The following GPHN variants were observed in gnomAD, a reference collection of about 807,000 sequenced individuals.
The protein encoded by GPHN is gephyrin.
In GPHN, 17 loss-of-function variants were observed where a neutral mutation model predicts 95.5. That is an observed-to-expected ratio of 0.18 (90% confidence interval 0.12 to 0.27). GPHN has a LOEUF of 0.27. Among genes scored for constraint, GPHN ranks in the 10% least tolerant of loss-of-function variants. The pLI is 1.00. For missense variants in GPHN, 660 were observed against 978.1 expected, an observed-to-expected ratio of 0.67 and a Z score of 4.34; for synonymous variants, 320 against 322.5, an observed-to-expected ratio of 0.99 and a Z score of 0.08.
intron 6 of GPHN, among the ~76,000 whole-genome samples, chr14:66,917,727 T>G (rs1488756097): frequency 6.6e-6 from 1 of 152,216 alleles, no homozygotes; most frequent in Non-Finnish European, 1.5e-5. Context: ...AACTTCTTTC[T>G]TTATATTTTG....
chr14:66,528,797 T>C (rs1004776198), intron 1 of GPHN, among the ~76,000 whole-genome samples: 4 of 152,226 alleles, frequency 2.6e-5, no homozygotes, highest in Non-Finnish European at 5.9e-5. Flanking sequence ...TGGCCCCCAC[T>C]GTCTTCTGGC....
intron 17 of GPHN, among the ~76,000 whole-genome samples, chr14:67,126,799 A>G (rs1270603380): frequency 2.0e-5 from 3 of 151,774 alleles, no homozygotes. Flanking sequence ...ATGCACACGT[A>G]TGTTTATTGC....
At chr14:67,309,456 C>G in the GPHN span, among the ~76,000 whole-genome samples, 8 of 152,102 alleles carry the variant, frequency 5.3e-5, no homozygotes, top group South Asian at 6.2e-4. Flanking sequence ...AGCTTTTTCT[C>G]TTAATTTTAG....
chr14:67,617,487 T>C, the GPHN span: 1 of 152,230 alleles, frequency 6.6e-6, no homozygotes, highest in Non-Finnish European at 1.5e-5. Context: ...ATCATGTAGG[T>C]GCTGAAATTT....
chr14:67,318,889 C>G, the GPHN span, among the ~76,000 whole-genome samples: 2 of 151,938 alleles, frequency 1.3e-5, no homozygotes, highest in Non-Finnish European at 2.9e-5. Flanking sequence ...AACTCCATCT[C>G]TACTAAAAAA....
At chr14:66,847,670 A>G (rs2062391518) in intron 4 of GPHN, among the ~76,000 whole-genome samples, 1 of 152,150 alleles carries the variant, frequency 6.6e-6, no homozygotes, top group African/African-American at 2.4e-5. Flanking sequence ...GAATGACAGC[A>G]GAATGTATTC....
At chr14:67,121,917 A>G (rs1333611493) in intron 16 of GPHN, among the ~76,000 whole-genome samples, 1 of 152,204 alleles carries the variant, frequency 6.6e-6, no homozygotes, top group Non-Finnish European at 1.5e-5. Flanking sequence ...ACAAATTGGA[A>G]AATAATATTG....
the GPHN span, among the ~76,000 whole-genome samples, chr14:67,522,720 G>A: frequency 6.6e-5 from 10 of 152,094 alleles, no homozygotes; most frequent in Admixed American, 6.5e-5. Flanking sequence ...GAGTCAAAAG[G>A]TTTCTCCCAT....
chr14:67,696,358 C>G, the GPHN span, among the ~76,000 whole-genome samples: 8 of 152,262 alleles, frequency 5.3e-5, no homozygotes, highest in African/African-American at 1.9e-4. Flanking sequence ...GCGGATTAGA[C>G]AGGAGAGGAG....
the GPHN span, among the ~76,000 whole-genome samples, chr14:67,209,615 C>T: frequency 1.3e-5 from 2 of 150,944 alleles, no homozygotes; most frequent in Admixed American, 6.6e-5. Flanking sequence ...GTCAGGAGTT[C>T]GAGACTAGCC....
At chr14:67,059,479 T>G (rs1418321074) in intron 11 of GPHN, among the ~76,000 whole-genome samples, 1 of 152,160 alleles carries the variant, frequency 6.6e-6, no homozygotes, top group African/African-American at 2.4e-5. Flanking sequence ...TAATTTGTTA[T>G]GCAGAAACAA....
the GPHN span, among the ~76,000 whole-genome samples, chr14:67,419,804 G>C: frequency 6.6e-6 from 1 of 151,406 alleles, no homozygotes; most frequent in Non-Finnish European, 1.5e-5. Context: ...AGCCGAGATC[G>C]CGCCACGGCA....
In GPHN at chr14:66,681,151, A is replaced by C. The variant is rs1311202905; in HGVS notation, c.109A>C (p.Ile37Leu). The C allele has an allele frequency of 6.3e-7, 1 of 1,599,812 alleles. No individual in the cohort carries two copies. Among genetic ancestry groups the C allele is most frequent in the Admixed American group, 1.7e-5 (1 of 60,002 alleles). ...FRNLAEDRSG[I>L]NLKDLVQDPS... is the part of the protein sequence containing the mutation. The stretch of plus-strand genomic sequence containing the variant: ...GAATCTTGCAGAAGACCGCAGTGGG[A>C]TAAATCTCAAAGATCTCGTACAAGA... The change falls in exon 2 of 23, where the codon ATA becomes CTA. Residue 37 changes from isoleucine (I) to leucine (L), a missense_variant. By Grantham distance (5) the Ile-to-Leu change is conservative. This residue lies in a region of GPHN where 92 missense variants were observed against 91.9 expected (regional missense o/e 1.00). Coordinates refer to ENST00000478722, the MANE Select transcript of GPHN (RefSeq NM_020806.5).
chr14:67,560,727 C>CTTT, the GPHN span, among the ~76,000 whole-genome samples: 32 of 126,404 alleles, frequency 2.5e-4, no homozygotes, highest in South Asian at 5.2e-4. Flanking sequence ...GAACATATAT[C>CTTT]TTTTTTTTTT....
chr14:67,025,732 G>A (rs1300724961), intron 10 of GPHN, among the ~76,000 whole-genome samples: 1 of 152,010 alleles, frequency 6.6e-6, no homozygotes, highest in Non-Finnish European at 1.5e-5. Context: ...CCAAATCTTG[G>A]CCCTAATTAA....
At chr14:66,994,593 T>C (rs1424284561) in intron 9 of GPHN, among the ~76,000 whole-genome samples, 2 of 152,238 alleles carry the variant, frequency 1.3e-5, no homozygotes, top group South Asian at 2.1e-4. Context: ...TTCCTAGCAA[T>C]AGAAAATAGA....
the GPHN span, among the ~76,000 whole-genome samples, chr14:67,341,994 G>C: frequency 2.6e-4 from 40 of 151,562 alleles, no homozygotes; most frequent in Admixed American, 1.8e-3. Context: ...CAGCATGCTC[G>C]TTAAGAGTCA....
intron 9 of GPHN, among the ~76,000 whole-genome samples, chr14:67,022,568 G>GGTGTGTGTGTGT (rs72312422): frequency 2.4e-4 from 5 of 20,880 alleles, no homozygotes; most frequent in African/African-American, 1.0e-3. Flanking sequence ...TTTTTTTTTT[G>GGTGTGTGTGTGT]GTGTGTGTGT....
At chr14:66,717,922 A>C (rs2070347012) in intron 2 of GPHN, among the ~76,000 whole-genome samples, 1 of 152,154 alleles carries the variant, frequency 6.6e-6, no homozygotes, top group Non-Finnish European at 1.5e-5. Context: ...AGGGGGTAAA[A>C]TGAACTCTGT....
Sources: gnomAD v4.1 joint callset for allele counts (sites outside exome capture counted in the v4.1 genomes callset) on GRCh38, gnomAD v4.1.1 for gene constraint, gnomAD v4.1.1 regional missense constraint, MANE v1.5 for transcripts, NCBI Gene and HGNC (gene_info 2026-07-23, HGNC 2026-07-21) for gene names.